The following ZNF608 variants were observed in gnomAD, a reference collection of about 807,000 sequenced individuals.
The protein encoded by ZNF608 is zinc finger protein 608.
ZNF608 carries 12 observed loss-of-function variants against 109.0 expected under a neutral mutation model. The ratio of observed to expected loss-of-function variants is 0.11; its 90% confidence interval spans 0.07 to 0.18. ZNF608 has a LOEUF of 0.18. Among genes scored for constraint, ZNF608 ranks in the 10% least tolerant of loss-of-function variants. The pLI is 1.00. For missense variants in ZNF608, 1,707 were observed against 1,879.3 expected (o/e 0.91, Z 1.70); for synonymous variants, 732 against 717.4 (o/e 1.02, Z -0.33).
At chr5:124,704,164 T>A (rs1753165840) in intron 2 of ZNF608, among the ~76,000 whole-genome samples, 1 of 152,242 alleles carries the variant, frequency 6.6e-6, no homozygotes, top group South Asian at 2.1e-4. Flanking sequence ...AATATACACT[T>A]AATCATAAAT....
At chr5:124,733,531 G>A (rs1749004674) in intron 2 of ZNF608, among the ~76,000 whole-genome samples, 1 of 152,066 alleles carries the variant, frequency 6.6e-6, no homozygotes, top group Admixed American at 6.5e-5. Context: ...ACTGTCTTGT[G>A]TGCTTTTCCT....
At chr5:124,699,667 A>AT (rs1752977452) in intron 3 of ZNF608, among the ~76,000 whole-genome samples, 1 of 152,222 alleles carries the variant, frequency 6.6e-6, no homozygotes, top group Non-Finnish European at 1.5e-5. Context: ...ATTTAATGTA[A>AT]TATGTAGAAT....
chr5:124,649,825 G>GT (rs1168031479), intron 3 of ZNF608, 128 bp from the exon 4 acceptor site: 9 of 574,752 alleles, frequency 1.6e-5, no homozygotes, highest in Non-Finnish European at 2.7e-5. Flanking sequence ...AAAAGCTGTG[G>GT]TTTGCATTCT....
chr5:124,642,489 G>T (rs1462293889), intron 7 of ZNF608, among the ~76,000 whole-genome samples: 1 of 152,048 alleles, frequency 6.6e-6, no homozygotes, highest in Non-Finnish European at 1.5e-5. Flanking sequence ...GAACACTGAT[G>T]ATGTGAATAT....
At chr5:124,641,951 G>C (rs6867885) in intron 7 of ZNF608, among the ~76,000 whole-genome samples, 94,508 of 151,976 alleles carry the variant, frequency 0.62, 29,795 homozygotes, top group East Asian at 0.76. Context: ...CAAAGAGAAG[G>C]CCCCATCCTC....
chr5:124,744,679 G>A lies in ZNF608; in HGVS notation c.311C>T (p.Ser104Leu). Residue 104 changes from serine to leucine, a missense_variant, in exon 2 of 10, where the codon TCA (serine) becomes TTA (leucine). Coordinates refer to ENST00000513986, the MANE Select transcript of ZNF608 (RefSeq NM_020747.3). This position sits in a 1 kb window ranked among gnomAD's most constrained non-coding sequence, Gnocchi z 4.5. ...QGNSHKETSKSKVKRSKTSKD... is the reference protein window; with the variant it reads ...QGNSHKETSKLKVKRSKTSKD... ...AGAAGTTTTACTCCTTTTCACTTTT[G>A]ATTTGCTGGTCTCTTTGTGTGAATT... The A allele has an allele frequency of 6.2e-7, 1 of 1,614,160 alleles. No homozygotes were observed. Among genetic ancestry groups the A allele is most frequent in the Non-Finnish European group, 8.5e-7 (1 of 1,180,028 alleles).
chr5:124,641,214 A>G (rs189007445), intron 8 of ZNF608, 38 bp downstream of exon 8: 426 of 1,612,216 alleles, frequency 2.6e-4, no homozygotes, highest in Non-Finnish European at 3.2e-4. Flanking sequence ...TTTCCAAAGC[A>G]GAATGGACAA....
intron 3 of ZNF608, among the ~76,000 whole-genome samples, chr5:124,695,327 A>G (rs1207684350): frequency 6.6e-6 from 1 of 152,238 alleles, no homozygotes; most frequent in Non-Finnish European, 1.5e-5. Flanking sequence ...GTAAGCCTGG[A>G]TTAATGTTTA....
chr5:124,734,898 A>T (rs1283389201), intron 2 of ZNF608: 2 of 152,258 alleles, frequency 1.3e-5, no homozygotes, highest in Non-Finnish European at 1.5e-5. Flanking sequence ...TATTTTAGAA[A>T]TACTACAAAA....
intron 2 of ZNF608, among the ~76,000 whole-genome samples, chr5:124,736,947 A>G (rs1749181383): frequency 6.6e-6 from 1 of 152,246 alleles, no homozygotes; most frequent in African/African-American, 2.4e-5. Flanking sequence ...CAGTGCAACC[A>G]AAGACCAAGC....
intron 3 of ZNF608, among the ~76,000 whole-genome samples, chr5:124,663,909 A>G (rs911698300): frequency 2.6e-5 from 4 of 152,184 alleles, no homozygotes; most frequent in African/African-American, 9.6e-5. Flanking sequence ...CTTAATTTTA[A>G]TATTAGAGAG....
intron 3 of ZNF608, among the ~76,000 whole-genome samples, chr5:124,684,762 T>C (rs566104022): frequency 6.6e-6 from 1 of 152,332 alleles, no homozygotes; most frequent in Non-Finnish European, 1.5e-5. Context: ...CAGTACACTA[T>C]AGTAACCTCA....
chr5:124,696,237 A>G (rs753415439), intron 3 of ZNF608, among the ~76,000 whole-genome samples: 14 of 152,146 alleles, frequency 9.2e-5, no homozygotes, highest in Non-Finnish European at 1.3e-4. Context: ...TCTTTCTCCA[A>G]TTAACTACCC....
At chr5:124,717,261 T>A (rs1463097510) in intron 2 of ZNF608, among the ~76,000 whole-genome samples, 3 of 151,662 alleles carry the variant, frequency 2.0e-5, no homozygotes, top group East Asian at 3.9e-4. Flanking sequence ...AGGTCGGGAG[T>A]TCGAGACCCA....
chr5:124,645,605 A>AG (rs1314811942), intron 5 of ZNF608, among the ~76,000 whole-genome samples: 3 of 152,130 alleles, frequency 2.0e-5, no homozygotes, highest in African/African-American at 7.2e-5. Flanking sequence ...GCTGGGAAAT[A>AG]ACCAGGATTA....
At chr5:124,666,759 T>C (rs1031233316) in intron 3 of ZNF608, among the ~76,000 whole-genome samples, 4 of 145,550 alleles carry the variant, frequency 2.7e-5, no homozygotes, top group Non-Finnish European at 6.1e-5. Flanking sequence ...GTGTGTGTGT[T>C]TCATCTGTTT....
At chr5:124,716,160 AAAAGAAAAG>A (rs1753696116) in intron 2 of ZNF608, among the ~76,000 whole-genome samples, 1 of 150,890 alleles carries the variant, frequency 6.6e-6, no homozygotes, top group African/African-American at 2.4e-5. Context: ...AAAAAAAAAA[AAAAGAAAAG>A]AAAGAAACTC....
At chr5:124,720,575 T>C (rs2149878066) in intron 2 of ZNF608, among the ~76,000 whole-genome samples, 1 of 152,350 alleles carries the variant, frequency 6.6e-6, no homozygotes, top group East Asian at 1.9e-4. Context: ...AAAAGTATAC[T>C]TTTTGGAAAA....
At chr5:124,725,085 C>T (rs73298946) in intron 2 of ZNF608, among the ~76,000 whole-genome samples, 4,026 of 152,050 alleles carry the variant, frequency 0.026, 144 homozygotes, top group African/African-American at 0.081. Flanking sequence ...ATACACTCTC[C>T]CTCTCCTCGA....
Sources: allele counts gnomAD v4.1 joint callset (sites outside exome capture counted in the v4.1 genomes callset), GRCh38; gene constraint gnomAD v4.1.1; non-coding constraint Gnocchi (gnomAD v3.1); transcripts MANE v1.5; gene names NCBI Gene and HGNC (gene_info 2026-07-23, HGNC 2026-07-21).